The following HCK variants were observed in gnomAD, a reference collection of about 807,000 sequenced individuals.
HCK encodes the protein HCK proto-oncogene, Src family tyrosine kinase, also known as tyrosine-protein kinase HCK.
HCK carries 40 observed loss-of-function variants against 70.4 expected under a neutral mutation model. The ratio of observed to expected loss-of-function variants is 0.57; its 90% CI spans 0.44 to 0.74. HCK has a LOEUF of 0.74. Ranked by LOEUF, HCK falls within the 30% of genes least tolerant of loss-of-function variation. The pLI, the probability that HCK is intolerant of heterozygous loss-of-function variation, is 0.00. For synonymous variants in HCK, 245 were observed against 263.2 expected (o/e 0.93, Z 0.67); for missense variants, 568 against 697.2 (o/e 0.81, Z 2.09).
At chr20:32,080,935 A>G (rs1263189483) in intron 6 of HCK, among the ~76,000 whole-genome samples, 2 of 151,928 alleles carry the variant, frequency 1.3e-5, no homozygotes, top group Non-Finnish European at 2.9e-5. Flanking sequence ...GAAAAATTTT[A>G]AAAATTAGCC....
At chr20:32,084,300 A>G (rs1336753181) in intron 7 of HCK, 91 bp from the exon 8 acceptor site, 18 of 1,358,178 alleles carry the variant, frequency 1.3e-5, no homozygotes, top group Non-Finnish European at 1.5e-5. Context: ...CACTGGAGAG[A>G]TCCAGTGGAC....
At chr20:32,052,519 C>T (rs1475904131) in intron 1 of HCK, 33 bp downstream of exon 1, 2 of 1,257,112 alleles carry the variant, frequency 1.6e-6, no homozygotes, top group East Asian at 3.1e-5. Flanking sequence ...CGGGAATACC[C>T]GGCCCGCGAG....
At chr20:32,062,028 C>T (rs2045386545) in intron 1 of HCK, among the ~76,000 whole-genome samples, 1 of 149,496 alleles carries the variant, frequency 6.7e-6, no homozygotes, top group African/African-American at 2.5e-5. Flanking sequence ...CAACCTCTGA[C>T]TCTGGGGTTC....
intron 1 of HCK, among the ~76,000 whole-genome samples, chr20:32,053,860 A>G (rs758896067): frequency 1.3e-5 from 2 of 152,086 alleles, no homozygotes; most frequent in Non-Finnish European, 2.9e-5. Context: ...GACAATGAGA[A>G]CTTCCATCCC....
chr20:32,058,598 A>G (rs1171019685), intron 1 of HCK, among the ~76,000 whole-genome samples: 3 of 124,184 alleles, frequency 2.4e-5, no homozygotes, highest in Non-Finnish European at 3.3e-5. Context: ...AATTCCTTTT[A>G]TGTCAAAACA....
chr20:32,078,201 A>ATT (rs1196535364), intron 5 of HCK, among the ~76,000 whole-genome samples: 105 of 134,640 alleles, frequency 7.8e-4, no homozygotes, highest in African/African-American at 2.7e-3. Context: ...TGCTCGGCTA[A>ATT]TTTTTTTTTT....
chr20:32,061,963 G>T, intron 1 of HCK, among the ~76,000 whole-genome samples: 1 of 138,368 alleles, frequency 7.2e-6, no homozygotes, highest in African/African-American at 2.8e-5. Flanking sequence ...TTTTTGAGAC[G>T]GACTCTCACT....
intron 10 of HCK, among the ~76,000 whole-genome samples, chr20:32,089,241 G>C (rs1415965511): frequency 3.3e-5 from 5 of 152,236 alleles, no homozygotes; most frequent in African/African-American, 4.8e-5. Context: ...CAGTGTGGGA[G>C]GGGACTGACC....
chr20:32,072,909 G>T (rs943496675), intron 2 of HCK, among the ~76,000 whole-genome samples: 4 of 152,000 alleles, frequency 2.6e-5, no homozygotes, highest in African/African-American at 7.2e-5. Flanking sequence ...TAGACCAGCC[G>T]GGCCAACATG....
intron 12 of HCK, 118 bp from the exon 13 acceptor site, chr20:32,101,199 G>A: frequency 2.4e-6 from 2 of 826,984 alleles, no homozygotes; most frequent in Admixed American, 2.2e-5. Flanking sequence ...CAGTGGAAGG[G>A]GCTCAGCTTG....
intron 4 of HCK, among the ~76,000 whole-genome samples, chr20:32,074,356 G>A (rs2045590911): frequency 6.6e-6 from 1 of 152,210 alleles, no homozygotes; most frequent in Non-Finnish European, 1.5e-5. Flanking sequence ...AAAGCTGCAA[G>A]TCCAGGGAAA....
At chr20:32,094,777 G>GAAAGAAAGAAAGAA (rs879408977) in intron 11 of HCK, among the ~76,000 whole-genome samples, 8 of 102,668 alleles carry the variant, frequency 7.8e-5, no homozygotes, top group South Asian at 3.2e-4. Flanking sequence ...AAGAAAGAAA[G>GAAAGAAAGAAAGAA]AGAGAGAAAG....
intron 9 of HCK, 146 bp downstream of exon 9, chr20:32,086,953 T>C: frequency 5.7e-6 from 4 of 697,942 alleles, no homozygotes; most frequent in Non-Finnish European, 9.0e-6. Flanking sequence ...GAGAATCTAA[T>C]GTGGAACAAT....
Position 32,071,649 on chromosome 20 carries a change from C to T in HCK, c.63-13C>T, listed in dbSNP as rs763334713. 6.2e-6 allele frequency: 10 copies of T among 1,612,844 alleles called. No individual in the cohort carries two copies. Among genetic ancestry groups the T allele is most frequent in the Non-Finnish European group, 8.5e-6 (10 of 1,179,402 alleles). ...TTGGTAACTGGGGCTCACCTCCCTT[C>T]TGTCTGCTGCAGGATGGGGTGCATG... is the stretch of plus-strand genomic sequence containing the variant. On this transcript the variant is annotated splice_polypyrimidine_tract_variant and intron_variant, in intron 1 of 12. Coordinates refer to ENST00000375852, the MANE Select transcript of HCK (RefSeq NM_002110.5).
Position 32,079,828 on chromosome 20 carries a change from C to T in HCK, c.483C>T (p.Pro161=), listed in dbSNP as rs561764073. ...ACGCAGAGCGCCAACTGCTGGCTCCCGGCAACATGCTGGGCTCCTTCATGA... is the reference window on the plus strand; with the variant it reads ...ACGCAGAGCGCCAACTGCTGGCTCCTGGCAACATGCTGGGCTCCTTCATGA... The change falls in exon 6 of 13, where the codon CCC becomes CCT. Residue 161 remains proline, a synonymous_variant. Coordinates refer to ENST00000375852, the MANE Select transcript of HCK (RefSeq NM_002110.5). 4.2e-5 allele frequency: 67 copies of T among 1,614,102 alleles called. 1 individual carries two copies. Among genetic ancestry groups the T allele is most frequent in the South Asian group, 2.5e-4 (23 of 91,078 alleles).
At chr20:32,094,855 A>T (rs2045933761) in intron 11 of HCK, among the ~76,000 whole-genome samples, 2 of 150,962 alleles carry the variant, frequency 1.3e-5, no homozygotes. Context: ...GAAAGAAAAG[A>T]AAGAAAGAGG....
At chr20:32,054,241 T>G (rs1312620686) in intron 1 of HCK, 7 of 456,320 alleles carry the variant, frequency 1.5e-5, no homozygotes, top group Non-Finnish European at 3.1e-5. Flanking sequence ...TGAGTTACAG[T>G]CCTTCCAGGA....
intron 6 of HCK, among the ~76,000 whole-genome samples, chr20:32,081,966 A>G (rs1486676443): frequency 1.3e-5 from 2 of 152,170 alleles, no homozygotes; most frequent in East Asian, 3.9e-4. Context: ...AGACCTGTGA[A>G]TCCCACCCTG....
At chr20:32,060,335 C>T (rs1291075538) in intron 1 of HCK, among the ~76,000 whole-genome samples, 2 of 152,210 alleles carry the variant, frequency 1.3e-5, no homozygotes, top group African/African-American at 4.8e-5. Flanking sequence ...ATTCTCCTGC[C>T]TTAGCCTCCC....
Sources: gnomAD v4.1 joint callset for allele counts (sites outside exome capture counted in the v4.1 genomes callset) on GRCh38, gnomAD v4.1.1 for gene constraint, MANE v1.5 for transcripts, NCBI Gene and HGNC (gene_info 2026-07-23, HGNC 2026-07-21) for gene names.